STAT3: variants seen among roughly 807,000 people sequenced by gnomAD.
STAT3 encodes DNA-binding protein APRF.
Under a neutral mutation model 114.3 loss-of-function variants are expected in STAT3, and 7 were observed. The observed-to-expected ratio is 0.06, with a 90% confidence interval of 0.03 to 0.11. STAT3 has a LOEUF of 0.11. Ranked by LOEUF, STAT3 falls within the 10% of genes least tolerant of loss-of-function variation. The pLI is 1.00. For synonymous variants in STAT3, 331 were observed against 354.5 expected (o/e 0.93, Z 0.74); for missense variants, 364 against 960.9 (o/e 0.38, Z 8.21).
At chr17:42,321,629 C>T (rs2081489607) in intron 21 of STAT3, among the ~76,000 whole-genome samples, 1 of 152,136 alleles carries the variant, frequency 6.6e-6, no homozygotes, top group South Asian at 2.1e-4. Flanking sequence ...TCCAGAAACC[C>T]TTTCTTCAGA....
intron 8 of STAT3, among the ~76,000 whole-genome samples, chr17:42,336,976 T>C (rs2082254784): frequency 6.6e-6 from 1 of 151,980 alleles, no homozygotes; most frequent in Non-Finnish European, 1.5e-5. Context: ...AAAACTTTAT[T>C]TTATTTTTAT....
intron 5 of STAT3, 52 bp from the exon 6 acceptor site, chr17:42,338,864 G>C: frequency 6.7e-7 from 1 of 1,493,644 alleles, no homozygotes; most frequent in Non-Finnish European, 9.3e-7. Flanking sequence ...ATTTCCTTGG[G>C]AACAGAAAAT....
chr17:42,383,620 T>C (rs1291355799), intron 1 of STAT3, among the ~76,000 whole-genome samples: 1 of 152,162 alleles, frequency 6.6e-6, no homozygotes, highest in Non-Finnish European at 1.5e-5. Context: ...TAAGCCAAGG[T>C]GTCTAACAAA....
intron 1 of STAT3, among the ~76,000 whole-genome samples, chr17:42,378,526 C>T (rs1333037298): frequency 1.3e-5 from 2 of 152,192 alleles, no homozygotes; most frequent in Non-Finnish European, 2.9e-5. Context: ...GGATTACAGG[C>T]GTGAGCCATC....
intron 2 of STAT3, 148 bp from the exon 3 acceptor site, chr17:42,346,861 C>T: frequency 8.7e-7 from 1 of 1,148,666 alleles, no homozygotes; most frequent in Admixed American, 2.1e-5. Context: ...TCTTCTTGCT[C>T]AGCAATAAAA....
chr17:42,325,234 G>C, intron 15 of STAT3, 173 bp from the exon 16 acceptor site: 1 of 626,094 alleles, frequency 1.6e-6, no homozygotes, highest in Non-Finnish European at 2.8e-6. Flanking sequence ...ACTCATAGTG[G>C]AAAGAATGCC....
Position 42,324,671 on chromosome 17 carries a change from T to C in STAT3, c.1600+40A>G. 1 of 867,472 alleles carries C rather than the reference T, an allele frequency of 1.2e-6. No homozygotes were observed. The highest frequency in any genetic ancestry group is 1.5e-6 in the Non-Finnish European group (1 of 648,844). 53.7% of individuals were successfully genotyped at this position (867,472 alleles called of 1,614,324 possible). A position where few individuals can be genotyped will look rare whatever the true frequency, so the allele number is the denominator to read the frequency against. ...AGCCCTATGGGCCGGATCCCTTTTC[T>C]GGGCGGGTGGGCGGGAGGGAGAAGG... On this transcript the variant is annotated intron_variant, in intron 17 of 23. Coordinates refer to ENST00000264657, the MANE Select transcript of STAT3 (RefSeq NM_139276.3). The surrounding 1 kb of genome is among the most constrained non-coding windows in gnomAD (Gnocchi z 4.5).
At position 42,368,602 on chromosome 17, in the gene STAT3, G is replaced by A. The variant is rs146907316; in HGVS notation, c.-24+19677C>T. ...AGCCTCCCTGGTAGCTGGGACTGCA[G>A]GCATGCACCACCACACCTGGCTAAT... On this transcript the variant is annotated intron_variant, in intron 1 of 23. Coordinates refer to ENST00000264657, the MANE Select transcript of STAT3 (RefSeq NM_139276.3). 1.6e-3 allele frequency among the ~76,000 whole-genome samples: 247 copies of A among 152,192 alleles called. 7 individuals carry two copies. The East Asian group carries it at 0.043, about 27-fold the overall frequency.
intron 14 of STAT3, among the ~76,000 whole-genome samples, chr17:42,328,084 C>T (rs2081818102): frequency 6.6e-6 from 1 of 151,258 alleles, no homozygotes; most frequent in South Asian, 2.1e-4. Flanking sequence ...ATTTTTAATA[C>T]TATTTTTCTG....
At chr17:42,386,252 G>A (rs2085099101) in intron 1 of STAT3, among the ~76,000 whole-genome samples, 2 of 146,668 alleles carry the variant, frequency 1.4e-5, no homozygotes, top group Non-Finnish European at 3.0e-5. Context: ...CTGCACTCTA[G>A]CCTGGGCAAC....
Position 42,333,872 on chromosome 17 carries a change from G to A in STAT3, c.956+19C>T, listed in dbSNP as rs1322547403. On this transcript the variant is annotated intron_variant, in intron 9 of 23. Transcript: ENST00000264657. The surrounding 1 kb of genome is among the most constrained non-coding windows in gnomAD (Gnocchi z 5.2). ...AGGTATTTTTTAGATGAGGGAAAGG[G>A]ACAAGGATGCTAAATTACCTTTTCA... 6.2e-7 allele frequency: 1 copy of A among 1,614,172 alleles called. No individual in the cohort carries two copies. The highest frequency in any genetic ancestry group is 1.1e-5 in the South Asian group (1 of 91,076).
intron 1 of STAT3, among the ~76,000 whole-genome samples, chr17:42,368,792 T>A (rs894126017): frequency 4.0e-5 from 6 of 151,820 alleles, no homozygotes; most frequent in Non-Finnish European, 8.8e-5. Flanking sequence ...GTTTGTTATA[T>A]AGGTAAACTC....
chr17:42,386,477 CTG>C (rs1253331799), intron 1 of STAT3, among the ~76,000 whole-genome samples: 1 of 152,114 alleles, frequency 6.6e-6, no homozygotes, highest in Non-Finnish European at 1.5e-5. Context: ...TAATTCATAA[CTG>C]TGCTGTGGGT....
At chr17:42,360,245 C>T (rs183817823) in intron 1 of STAT3, among the ~76,000 whole-genome samples, 5 of 151,632 alleles carry the variant, frequency 3.3e-5, no homozygotes, top group Non-Finnish European at 2.9e-5. Flanking sequence ...CTTGCCCAGG[C>T]TGGTCTCGAA....
chr17:42,358,844 CCT>C (rs1253242172), intron 1 of STAT3, among the ~76,000 whole-genome samples: 1 of 151,982 alleles, frequency 6.6e-6, no homozygotes, highest in Non-Finnish European at 1.5e-5. Context: ...GTACAGCATC[CCT>C]CTGTGCTGGT....
At chr17:42,384,421 C>G (rs540723007) in intron 1 of STAT3, among the ~76,000 whole-genome samples, 1 of 152,046 alleles carries the variant, frequency 6.6e-6, no homozygotes, top group Non-Finnish European at 1.5e-5. Context: ...TGAGCCACCG[C>G]GCCCGGCGCC....
chr17:42,323,161 G>A lies in STAT3; in HGVS notation c.1749-18C>T, dbSNP rs2144695230. 3 of 1,614,218 alleles carry A rather than the reference G, an allele frequency of 1.9e-6. No homozygotes were observed. Among genetic ancestry groups the A allele is most frequent in the Non-Finnish European group, 2.5e-6 (3 of 1,180,036 alleles). ...TGATGTACCTGGAGCCAAGGAGGAG[G>A]AACAATGTTGTTATTGCTAACAGGG... On this transcript the variant is annotated intron_variant, in intron 19 of 23. Coordinates refer to ENST00000264657, the MANE Select transcript of STAT3 (RefSeq NM_139276.3).
At chr17:42,320,527 C>G (rs747131294) in intron 21 of STAT3, among the ~76,000 whole-genome samples, 27 of 152,020 alleles carry the variant, frequency 1.8e-4, no homozygotes, top group Non-Finnish European at 3.5e-4. Flanking sequence ...GTCAGGAGTT[C>G]GAGGCCAGCC....
intron 23 of STAT3, chr17:42,316,119 C>T: frequency 7.7e-7 from 1 of 1,300,678 alleles, no homozygotes; most frequent in Non-Finnish European, 9.8e-7. Context: ...GGCCACCAAG[C>T]ATTTGAGATT....
Sources: gnomAD v4.1 joint callset for allele counts (sites outside exome capture counted in the v4.1 genomes callset) on GRCh38, gnomAD v4.1.1 for gene constraint, Gnocchi (gnomAD v3.1) non-coding constraint, MANE v1.5 for transcripts, NCBI Gene and HGNC (gene_info 2026-07-23, HGNC 2026-07-21) for gene names.